Variants in ABI3BP observed in about 807,000 individuals in gnomAD.
ABI3BP encodes the protein ABI family member 3 binding protein.
A neutral mutation model predicts 268.6 loss-of-function variants in ABI3BP; 216 were observed. That is an observed-to-expected ratio of 0.80 (90% CI 0.72 to 0.90). The LOEUF is 0.90. ABI3BP is among the 40% of genes least tolerant of loss of function. The probability of loss-of-function intolerance (pLI) is 0.00; values close to 1 mark genes in which losing one functional copy is unlikely to be tolerated. For missense variants in ABI3BP, 2,090 were observed against 2,182.4 expected (o/e 0.96, Z 0.84); for synonymous variants, 730 against 730.0 (o/e 1.00, Z 0.00).
intron 20 of ABI3BP, among the ~76,000 whole-genome samples, chr3:100,842,276 T>C (rs930237004): frequency 3.3e-5 from 5 of 152,222 alleles, no homozygotes; most frequent in Admixed American, 1.3e-4. Flanking sequence ...CTGGTTTGCC[T>C]CTGGTGCTGA....
chr3:100,937,932 AAACTTT>A (rs2066998342), intron 1 of ABI3BP, among the ~76,000 whole-genome samples: 1 of 152,122 alleles, frequency 6.6e-6, no homozygotes, highest in African/African-American at 2.4e-5. Context: ...GTATTAAATT[AAACTTT>A]AACACTAAGA....
At chr3:100,969,691 G>A (rs1437477037) in intron 1 of ABI3BP, among the ~76,000 whole-genome samples, 1 of 152,056 alleles carries the variant, frequency 6.6e-6, no homozygotes, top group African/African-American at 2.4e-5. Flanking sequence ...AAAAAATCAT[G>A]TTTTTTTGAA....
chr3:100,764,786 A>G (rs1414053080), intron 63 of ABI3BP, among the ~76,000 whole-genome samples: 1 of 152,242 alleles, frequency 6.6e-6, no homozygotes, highest in African/African-American at 2.4e-5. Flanking sequence ...AGGAAATGCT[A>G]AGGAAACAGA....
intron 18 of ABI3BP, among the ~76,000 whole-genome samples, chr3:100,848,593 AT>A (rs1318286522): frequency 6.6e-6 from 1 of 151,816 alleles, no homozygotes; most frequent in Non-Finnish European, 1.5e-5. Context: ...TGCCTGGCTA[AT>A]TTTTTAAACT....
intron 44 of ABI3BP, 71 bp from the exon 45 acceptor site, chr3:100,813,806 G>T: frequency 4.6e-6 from 6 of 1,298,714 alleles, no homozygotes; most frequent in Non-Finnish European, 6.4e-6. Context: ...GACAGAGGTA[G>T]CAGTGAAATA....
At chr3:100,811,867 A>G in intron 46 of ABI3BP, 68 bp from the exon 47 acceptor site, 1 of 1,101,508 alleles carries the variant, frequency 9.1e-7, no homozygotes. Flanking sequence ...AGAACCCTGC[A>G]TTTAATTTAA....
rs993471704 is a variant in ABI3BP, at chr3:100,780,100, G to A, written c.4240+32C>T. Reference sequence around the variant, plus strand: ...GTTACCATCCAAGTTTCAGAGCTGAGCTGTCATAAAAGTCAGCATGTTATT... The same window carrying A: ...GTTACCATCCAAGTTTCAGAGCTGAACTGTCATAAAAGTCAGCATGTTATT... On this transcript the variant is annotated intron_variant, in intron 58 of 67. Transcript: ENST00000471714. The A allele has an allele frequency of 1.9e-6, 3 of 1,602,858 alleles. No homozygotes were observed. The African/African-American group carries it at 4.0e-5, about 21-fold the overall frequency.
At chr3:100,944,259 G>T (rs1488681810) in intron 1 of ABI3BP, among the ~76,000 whole-genome samples, 1 of 152,090 alleles carries the variant, frequency 6.6e-6, no homozygotes, top group Non-Finnish European at 1.5e-5. Context: ...TTCTCAGAGT[G>T]ATCAGGTATC....
chr3:100,882,733 T>A (rs1220418014), intron 6 of ABI3BP, among the ~76,000 whole-genome samples: 8 of 152,058 alleles, frequency 5.3e-5, no homozygotes, highest in African/African-American at 1.9e-4. Context: ...ACGTCAATCA[T>A]CTTTCCCAAT....
chr3:100,834,737 G>C lies in ABI3BP; in HGVS notation c.2228C>G (p.Pro743Arg). Residue 743 changes from proline to arginine, a missense_variant, in exon 29 of 68, where the codon CCA becomes CGA. Transcript: ENST00000471714. ...KTSQRTRTRRPRPKHKTTPRP... is the reference protein window; with the variant it reads ...KTSQRTRTRRRRPKHKTTPRP... ...TGGCGTGGTTTTATGTTTGGGACGT[G>C]GACGACGTGTTCTTGTTCGTTGCGA... 1 of 1,535,732 alleles carries C rather than the reference G, an allele frequency of 6.5e-7. No individual in the cohort carries two copies. Among genetic ancestry groups the C allele is most frequent in the Non-Finnish European group, 8.7e-7 (1 of 1,146,564 alleles).
At chr3:100,989,212 T>A (rs573097185) in intron 1 of ABI3BP, among the ~76,000 whole-genome samples, 1 of 152,298 alleles carries the variant, frequency 6.6e-6, no homozygotes, top group African/African-American at 2.4e-5. Context: ...ATCATGGACT[T>A]CCCAGCTTCC....
chr3:100,854,966 G>T (rs973416293), intron 14 of ABI3BP, among the ~76,000 whole-genome samples: 1 of 150,530 alleles, frequency 6.6e-6, no homozygotes, highest in Non-Finnish European at 1.5e-5. Flanking sequence ...TTGCTCTGTC[G>T]CCCAGACTGG....
intron 63 of ABI3BP, among the ~76,000 whole-genome samples, chr3:100,762,518 A>G (rs890674847): frequency 2.0e-5 from 3 of 152,156 alleles, no homozygotes; most frequent in African/African-American, 7.2e-5. Flanking sequence ...TATCAATCCT[A>G]CACTTACTTG....
intron 1 of ABI3BP, among the ~76,000 whole-genome samples, chr3:100,949,598 T>C (rs960954383): frequency 2.6e-5 from 4 of 152,186 alleles, no homozygotes; most frequent in Non-Finnish European, 5.9e-5. Flanking sequence ...AAATTTGGTA[T>C]TCGTTTTTGG....
At chr3:100,925,569 C>T (rs912631136) in intron 2 of ABI3BP, among the ~76,000 whole-genome samples, 13 of 151,940 alleles carry the variant, frequency 8.6e-5, no homozygotes, top group Admixed American at 8.5e-4. Context: ...CGTGAGCTAC[C>T]GTGCCTGGTA....
chr3:100,955,002 C>CCA (rs71618740), intron 1 of ABI3BP, among the ~76,000 whole-genome samples: 1 of 123,602 alleles, frequency 8.1e-6, no homozygotes. Context: ...TTTTTTTTTA[C>CCA]GAATCATAAA....
intron 1 of ABI3BP, among the ~76,000 whole-genome samples, chr3:100,939,226 T>C (rs186842608): frequency 5.9e-5 from 9 of 152,224 alleles, no homozygotes; most frequent in Non-Finnish European, 7.4e-5. Flanking sequence ...GCAGTGAACA[T>C]GTAGCTGCTC....
chr3:100,926,206 G>T, intron 2 of ABI3BP, 96 bp downstream of exon 2: 1 of 1,314,910 alleles, frequency 7.6e-7, no homozygotes, highest in Non-Finnish European at 1.1e-6. Flanking sequence ...TAAGGATGTA[G>T]AAAAAATAGT....
intron 2 of ABI3BP, among the ~76,000 whole-genome samples, chr3:100,910,565 G>A (rs2055962956): frequency 6.6e-6 from 1 of 151,098 alleles, no homozygotes; most frequent in Non-Finnish European, 1.5e-5. Flanking sequence ...AAATAGAGAT[G>A]GGTCTCACTA....
Sources: gnomAD v4.1 joint callset for allele counts (sites outside exome capture counted in the v4.1 genomes callset) on GRCh38, gnomAD v4.1.1 for gene constraint, MANE v1.5 for transcripts, NCBI Gene and HGNC (gene_info 2026-07-23, HGNC 2026-07-21) for gene names.